PCDH15: variants seen among roughly 807,000 people sequenced by gnomAD.
The protein encoded by PCDH15 is protocadherin related 15.
In PCDH15, 129 loss-of-function variants were observed where a neutral mutation model predicts 178.5. That is an observed-to-expected ratio of 0.72 (90% CI 0.63 to 0.84). PCDH15 has a LOEUF of 0.84. Ranked by LOEUF, PCDH15 falls within the 40% of genes least tolerant of loss-of-function variation. The probability of loss-of-function intolerance (pLI) is 0.00; values close to 1 mark genes in which losing one functional copy is unlikely to be tolerated. For missense variants in PCDH15, 2,230 were observed against 2,099.9 expected (o/e 1.06, Z -1.21); for synonymous variants, 800 against 732.0 (o/e 1.09, Z -1.50).
chr10:55,530,471 A>G (rs1841425221), intron 2 of PCDH15, among the ~76,000 whole-genome samples: 1 of 152,002 alleles, frequency 6.6e-6, no homozygotes, highest in Non-Finnish European at 1.5e-5. Flanking sequence ...ATCTTGAGTG[A>G]GGATCTATTC....
intron 1 of PCDH15, among the ~76,000 whole-genome samples, chr10:55,296,037 T>C (rs1843123516): frequency 6.6e-6 from 1 of 152,176 alleles, no homozygotes; most frequent in Admixed American, 6.6e-5. Context: ...TGACTCACGA[T>C]TCAGGGAAAT....
At chr10:54,622,219 G>A (rs1351469983) in intron 2 of PCDH15, among the ~76,000 whole-genome samples, 1 of 151,626 alleles carries the variant, frequency 6.6e-6, no homozygotes, top group African/African-American at 2.4e-5. Context: ...GGAGGTCAAT[G>A]TTGATGCTCT....
At chr10:55,103,489 T>C (rs1842617198) in intron 2 of PCDH15, among the ~76,000 whole-genome samples, 1 of 152,288 alleles carries the variant, frequency 6.6e-6, no homozygotes, top group Admixed American at 6.5e-5. Flanking sequence ...ATCTCTTTCA[T>C]GATTTTCTTG....
intron 6 of PCDH15, among the ~76,000 whole-genome samples, chr10:54,341,765 G>C (rs1399838453): frequency 6.6e-6 from 1 of 152,174 alleles, no homozygotes; most frequent in Non-Finnish European, 1.5e-5. Context: ...CCAGGCTGAG[G>C]TGGTCTCAGA....
At chr10:53,890,426 CA>C (rs1053753809) in intron 26 of PCDH15, among the ~76,000 whole-genome samples, 2 of 151,476 alleles carry the variant, frequency 1.3e-5, no homozygotes, top group African/African-American at 2.4e-5. Context: ...GACACTGTCT[CA>C]AAAAAAAGAA....
At chr10:54,333,102 C>A (rs1940204009) in intron 6 of PCDH15, among the ~76,000 whole-genome samples, 1 of 152,024 alleles carries the variant, frequency 6.6e-6, no homozygotes, top group Non-Finnish European at 1.5e-5. Context: ...GCCACCACAT[C>A]TGGCTAATTT....
At chr10:53,821,702 G>A in intron 32 of PCDH15, 1 of 1,448,142 alleles carries the variant, frequency 6.9e-7, no homozygotes, top group Non-Finnish European at 9.1e-7. Context: ...GTAGTGATGA[G>A]GTTAATATCT....
In PCDH15 at chr10:54,719,111, AACAC is replaced by A. The variant is rs1375732935; in HGVS notation, c.-28-54825_-28-54822del. On this transcript the variant is annotated intron_variant, in intron 1 of 37. Coordinates refer to ENST00000644397, the MANE Select transcript of PCDH15 (RefSeq NM_001384140.1). ...TGAAATCCAAGACAAAGCTGAAAAA[AACAC>A]AAAGAAATCAGAAGAACAATTCAGA... 3.3e-5 allele frequency among the ~76,000 whole-genome samples: 5 copies of A among 150,732 alleles called. No individual in the cohort carries two copies. The East Asian group carries it at 7.8e-4, about 23-fold the overall frequency.
At chr10:54,686,125 A>G (rs901618773) in intron 1 of PCDH15, among the ~76,000 whole-genome samples, 13 of 143,122 alleles carry the variant, frequency 9.1e-5, no homozygotes, top group Admixed American at 2.2e-4. Context: ...TGACCTCGTG[A>G]TCAGCCTCCC....
At position 53,828,157 on chromosome 10, in the gene PCDH15, G is replaced by C. The variant is rs569996081; in HGVS notation, c.4211+408C>G. On this transcript the variant is annotated intron_variant, in intron 31 of 37. Transcript: ENST00000644397. ...GGAGGCGGAGGTTGCAGTGAGCCCA[G>C]ATCACGCCATTGCACTCCATCCTGG... is the stretch of plus-strand genomic sequence containing the variant. 1.8e-4 allele frequency among the ~76,000 whole-genome samples: 23 copies of C among 125,412 alleles called. No individual in the cohort carries two copies. The East Asian group carries it at 5.1e-3, about 28-fold the overall frequency. 82.3% of individuals were successfully genotyped at this position (125,412 alleles called of 152,430 possible).
At chr10:54,909,412 C>T (rs149431429) in intron 2 of PCDH15, among the ~76,000 whole-genome samples, 87 of 152,256 alleles carry the variant, frequency 5.7e-4, no homozygotes, top group African/African-American at 1.9e-3. Context: ...CCCAAAGTCT[C>T]GAGGAGGCCA....
At chr10:54,450,151 A>G (rs2136278671) in intron 3 of PCDH15, among the ~76,000 whole-genome samples, 1 of 146,230 alleles carries the variant, frequency 6.8e-6, no homozygotes, top group East Asian at 2.0e-4. Context: ...ATATATATAT[A>G]TATATATTAT....
chr10:54,748,573 A>G (rs1334418825), intron 1 of PCDH15, among the ~76,000 whole-genome samples: 5 of 152,220 alleles, frequency 3.3e-5, no homozygotes, highest in African/African-American at 1.2e-4. Context: ...TATTTTAAAA[A>G]TCAAAATCTA....
chr10:54,292,878 G>A (rs543698840), intron 8 of PCDH15, among the ~76,000 whole-genome samples: 6 of 152,142 alleles, frequency 3.9e-5, no homozygotes, highest in East Asian at 1.9e-4. Flanking sequence ...TTGTGAAAAC[G>A]GCCATACTGC....
intron 21 of PCDH15, among the ~76,000 whole-genome samples, chr10:53,986,199 A>T (rs955391305): frequency 3.2e-4 from 48 of 152,232 alleles, no homozygotes; most frequent in African/African-American, 1.2e-3. Context: ...CTCGACATAC[A>T]AATGGCCAAC....
chr10:54,829,644 G>A (rs1203165744), intron 3 of PCDH15, among the ~76,000 whole-genome samples: 1 of 152,034 alleles, frequency 6.6e-6, no homozygotes, highest in Non-Finnish European at 1.5e-5. Flanking sequence ...TACTCACTCT[G>A]TGTTTCAAAA....
intron 2 of PCDH15, among the ~76,000 whole-genome samples, chr10:55,345,744 T>C (rs977919548): frequency 6.6e-6 from 1 of 151,958 alleles, no homozygotes; most frequent in Non-Finnish European, 1.5e-5. Context: ...CTTCATAAGA[T>C]GTTTTATTAT....
intron 15 of PCDH15, among the ~76,000 whole-genome samples, chr10:54,127,362 G>C (rs1434027915): frequency 6.6e-6 from 1 of 152,178 alleles, no homozygotes; most frequent in African/African-American, 2.4e-5. Context: ...TGGATCATTT[G>C]ATTCAACACT....
chr10:54,878,260 G>T lies in PCDH15; in HGVS notation c.-29+19190C>A, dbSNP rs141471864. Among the ~76,000 whole-genome samples, 108 of 152,154 alleles carry T rather than the reference G, an allele frequency of 7.1e-4. No individual in the cohort carries two copies. In the East Asian group the frequency reaches 0.021, roughly 29 times the overall value. On this transcript the variant is annotated intron_variant, in intron 3 of 5. Transcript: ENST00000458638. ...TTACAGGCATGAGCCACTGCACCCC[G>T]CCAGAAGTTCTCTCTTAAAGATCTA...
Sources: gnomAD v4.1 joint callset for allele counts (sites outside exome capture counted in the v4.1 genomes callset) on GRCh38, gnomAD v4.1.1 for gene constraint, MANE v1.5 for transcripts, NCBI Gene and HGNC (gene_info 2026-07-23, HGNC 2026-07-21) for gene names.